The following TSPAN12 variants were observed in gnomAD, a reference collection of about 807,000 sequenced individuals.
The protein encoded by TSPAN12 is tetraspanin 12.
Under a neutral mutation model 39.2 loss-of-function variants are expected in TSPAN12, and 19 were observed. That is an observed-to-expected ratio of 0.49 (90% CI 0.34 to 0.71). The LOEUF (loss-of-function observed/expected upper bound fraction) is 0.71, where lower values mean the gene tolerates loss of function less well. Ranked by LOEUF, TSPAN12 falls within the 30% of genes least tolerant of loss-of-function variation. The probability of loss-of-function intolerance (pLI) is 0.01; values close to 1 mark genes in which losing one functional copy is unlikely to be tolerated. For missense variants in TSPAN12, 314 were observed against 359.9 expected (o/e 0.87, Z 1.03); for synonymous variants, 119 against 124.8 (o/e 0.95, Z 0.31).
chr7:120,831,147 C>A (rs529796894), intron 4 of TSPAN12, among the ~76,000 whole-genome samples: 415 of 151,912 alleles, frequency 2.7e-3, no homozygotes, highest in Middle Eastern at 0.014. Context: ...CAAAAGATAA[C>A]AAATGTTGGC....
chr7:120,845,143 T>TG (rs1394992923), intron 2 of TSPAN12, among the ~76,000 whole-genome samples: 1 of 152,146 alleles, frequency 6.6e-6, no homozygotes, highest in African/African-American at 2.4e-5. Context: ...CAGCTGGAGC[T>TG]GAAGCAGCTG....
intron 4 of TSPAN12, among the ~76,000 whole-genome samples, chr7:120,820,484 CCA>C (rs1794168034): frequency 1.3e-5 from 2 of 152,140 alleles, no homozygotes; most frequent in African/African-American, 2.4e-5. Flanking sequence ...CTGCAGTGTG[CCA>C]CAGTGTCTTC....
At chr7:120,799,720 TTTA>T (rs527430911) in intron 7 of TSPAN12, among the ~76,000 whole-genome samples, 2,334 of 127,770 alleles carry the variant, frequency 0.018, 77 homozygotes, top group African/African-American at 0.066. Context: ...ATATTAAATA[TTTA>T]TTATATTTCA....
At chr7:120,849,714 T>A (rs760764959) in intron 2 of TSPAN12, among the ~76,000 whole-genome samples, 7 of 152,204 alleles carry the variant, frequency 4.6e-5, no homozygotes, top group Non-Finnish European at 8.8e-5. Flanking sequence ...ATGGGAAAAT[T>A]GGACCAGAAG....
Position 120,830,291 on chromosome 7 carries a change from A to G in TSPAN12, c.285+8486T>C, listed in dbSNP as rs565365917. ...AATGTCATTTTTTTACAGAAACAGG[A>G]AAAAAAATCCTAAAATTCCTATGGT... On this transcript the variant is annotated intron_variant, in intron 4 of 7. Transcript: ENST00000222747. Among the ~76,000 whole-genome samples the G allele has an allele frequency of 3.9e-5, 6 of 152,148 alleles. No individual in the cohort carries two copies. The South Asian group carries it at 1.0e-3, about 26-fold the overall frequency.
At chr7:120,817,718 C>T (rs533215618) in intron 4 of TSPAN12, among the ~76,000 whole-genome samples, 25 of 152,140 alleles carry the variant, frequency 1.6e-4, no homozygotes, top group South Asian at 1.0e-3. Flanking sequence ...TGAGAAAGAA[C>T]GAGCTCTCTG....
intron 4 of TSPAN12, among the ~76,000 whole-genome samples, chr7:120,822,375 C>T (rs1227278372): frequency 6.6e-6 from 1 of 152,068 alleles, no homozygotes; most frequent in Non-Finnish European, 1.5e-5. Context: ...GCAGATTCAA[C>T]ACTTGCCCTT....
intron 7 of TSPAN12, among the ~76,000 whole-genome samples, chr7:120,805,276 G>A (rs1453537627): frequency 2.0e-5 from 3 of 151,968 alleles, no homozygotes; most frequent in Non-Finnish European, 2.9e-5. Context: ...AGGTAGTACA[G>A]CATTCTTTTA....
intron 6 of TSPAN12, 113 bp from the exon 7 acceptor site, chr7:120,806,805 C>T: frequency 1.6e-6 from 2 of 1,275,248 alleles, no homozygotes; most frequent in Non-Finnish European, 1.1e-6. Flanking sequence ...TATCTGTCAT[C>T]ACCTAATGAT....
At chr7:120,821,936 G>A (rs1025291976) in intron 4 of TSPAN12, among the ~76,000 whole-genome samples, 4 of 152,076 alleles carry the variant, frequency 2.6e-5, no homozygotes, top group Admixed American at 1.3e-4. Context: ...GACTGTTTTT[G>A]GTATTTTCCA....
At chr7:120,794,055 T>C (rs1793584208) in intron 7 of TSPAN12, among the ~76,000 whole-genome samples, 1 of 152,232 alleles carries the variant, frequency 6.6e-6, no homozygotes, top group African/African-American at 2.4e-5. Context: ...ACTGTCTGTC[T>C]TCATGTTAAG....
chr7:120,853,921 T>C (rs1794820375), intron 2 of TSPAN12, among the ~76,000 whole-genome samples: 1 of 145,932 alleles, frequency 6.9e-6, no homozygotes, highest in Non-Finnish European at 1.5e-5. Context: ...ACACAGAATA[T>C]AGAAAAGTTT....
chr7:120,833,027 C>T (rs1794415752), intron 4 of TSPAN12, among the ~76,000 whole-genome samples: 1 of 152,076 alleles, frequency 6.6e-6, no homozygotes, highest in South Asian at 2.1e-4. Context: ...GCACAGGCTG[C>T]ATTTGAATGC....
At chr7:120,855,441 T>C (rs963918106) in intron 2 of TSPAN12, among the ~76,000 whole-genome samples, 2 of 152,220 alleles carry the variant, frequency 1.3e-5, no homozygotes, top group African/African-American at 4.8e-5. Context: ...GTGATAATTA[T>C]CATACATCTT....
chr7:120,837,104 G>C (rs1794491181), intron 4 of TSPAN12, among the ~76,000 whole-genome samples: 1 of 152,138 alleles, frequency 6.6e-6, no homozygotes, highest in Admixed American at 6.5e-5. Flanking sequence ...TTTAAAACTT[G>C]AAATATGTTA....
chr7:120,790,891 A>C (rs1793509171), intron 7 of TSPAN12, among the ~76,000 whole-genome samples: 1 of 152,210 alleles, frequency 6.6e-6, no homozygotes, highest in Admixed American at 6.5e-5. Flanking sequence ...TCTTTGAAGA[A>C]ATTGATATAA....
intron 4 of TSPAN12, among the ~76,000 whole-genome samples, chr7:120,819,624 A>G (rs1794151352): frequency 6.6e-6 from 1 of 152,178 alleles, no homozygotes; most frequent in Non-Finnish European, 1.5e-5. Flanking sequence ...CAAATAAAAT[A>G]TTTTTAAAAT....
chr7:120,833,889 G>A (rs1054353764), intron 4 of TSPAN12, among the ~76,000 whole-genome samples: 1 of 152,108 alleles, frequency 6.6e-6, no homozygotes, highest in Non-Finnish European at 1.5e-5. Context: ...AAAGCCTTGG[G>A]AAGTAACCAT....
rs138792862 is a variant in TSPAN12, at chr7:120,834,691, T to C, written c.285+4086A>G. ...TAATCTGTTTTACAGCTCTTAAAAG[T>C]AAAACAAGACTTTGAATACAGGGAA... On this transcript the variant is annotated intron_variant, in intron 4 of 7. Transcript: ENST00000222747. Among the ~76,000 whole-genome samples the C allele has an allele frequency of 2.0e-4, 31 of 152,300 alleles. No individual in the cohort carries two copies. The East Asian group carries it at 5.0e-3, about 25-fold the overall frequency.
Sources: allele counts gnomAD v4.1 joint callset (sites outside exome capture counted in the v4.1 genomes callset), GRCh38; gene constraint gnomAD v4.1.1; transcripts MANE v1.5; gene names NCBI Gene and HGNC (gene_info 2026-07-23, HGNC 2026-07-21).